The following FAM186A variants were observed in gnomAD, a reference collection of about 807,000 sequenced individuals.
FAM186A encodes the protein family with sequence similarity 186 member A.
FAM186A carries 163 observed loss-of-function variants against 216.8 expected under a neutral mutation model. That is an observed-to-expected ratio of 0.75 (90% CI 0.66 to 0.86). FAM186A has a LOEUF of 0.86. Among genes scored for constraint, FAM186A ranks in the 40% least tolerant of loss-of-function variants. FAM186A has a pLI of 0.00. For synonymous variants in FAM186A, 805 were observed against 1,025.3 expected (o/e 0.79, Z 4.10); for missense variants, 2,184 against 2,746.2 (o/e 0.80, Z 4.58).
chr12:50,366,409 C>T (rs981397814), intron 1 of FAM186A, among the ~76,000 whole-genome samples: 3 of 152,026 alleles, frequency 2.0e-5, no homozygotes, highest in East Asian at 1.9e-4. Flanking sequence ...CAACGTATAT[C>T]GAAGCCAGAC....
intron 5 of FAM186A, 143 bp from the exon 6 acceptor site, chr12:50,331,964 C>G (rs1445196444): frequency 6.0e-6 from 4 of 662,298 alleles, no homozygotes; most frequent in Non-Finnish European, 7.3e-6. Context: ...CACCCACCTC[C>G]AACATGCATC....
chr12:50,351,371 A>G lies in FAM186A; in HGVS notation c.5461T>C (p.Ser1821Pro). 6.8e-7 allele frequency: 1 copy of G among 1,476,054 alleles called. No individual in the cohort carries two copies. The highest frequency in any genetic ancestry group is 9.0e-7 in the Non-Finnish European group (1 of 1,115,322). 91.4% of individuals were successfully genotyped at this position (1,476,054 alleles called of 1,614,324 possible). Reference sequence around the variant, plus strand: ...CGAGATATTGGGAGCTGCCCAGGGGAGGGAGGGGCCTGTGGTGCCGGGAAC... The same window carrying G: ...CGAGATATTGGGAGCTGCCCAGGGGGGGGAGGGGCCTGTGGTGCCGGGAAC... ...AQFPAPQAPP[S>P]PGQLPISRAP... The change falls in exon 4 of 8, where the codon TCC becomes CCC. Residue 1821 changes from serine (S) to proline (P), a missense_variant. Transcript: ENST00000327337.
intron 7 of FAM186A, among the ~76,000 whole-genome samples, 155 bp from the exon 8 acceptor site, chr12:50,327,559 T>G (rs1241618163): frequency 6.6e-6 from 1 of 150,400 alleles, no homozygotes; most frequent in Admixed American, 6.7e-5. Context: ...TTTTTTTTTT[T>G]GAGACAGGGT....
intron 4 of FAM186A, among the ~76,000 whole-genome samples, chr12:50,335,892 G>A (rs1181002321): frequency 2.0e-5 from 3 of 152,006 alleles, no homozygotes; most frequent in African/African-American, 4.8e-5. Flanking sequence ...TTGGGAGGCC[G>A]AGGTGGGCAG....
intron 4 of FAM186A, 45 bp downstream of exon 4, chr12:50,350,284 A>C: frequency 7.0e-7 from 1 of 1,432,276 alleles, no homozygotes; most frequent in Non-Finnish European, 9.3e-7. Flanking sequence ...AAATATTTGC[A>C]ATCAGAACTA....
chr12:50,375,576 G>A (rs1227798186), intron 1 of FAM186A, among the ~76,000 whole-genome samples: 1 of 150,844 alleles, frequency 6.6e-6, no homozygotes, highest in Admixed American at 6.6e-5. Flanking sequence ...AAGTAGCCAG[G>A]TATGGTGGTG....
At chr12:50,387,334 A>G (rs1943313565) in intron 1 of FAM186A, among the ~76,000 whole-genome samples, 1 of 152,194 alleles carries the variant, frequency 6.6e-6, no homozygotes, top group African/African-American at 2.4e-5. Flanking sequence ...GGTATTGTGG[A>G]AGGGGAATGG....
At chr12:50,340,611 G>A (rs1012358737) in intron 4 of FAM186A, among the ~76,000 whole-genome samples, 1 of 151,326 alleles carries the variant, frequency 6.6e-6, no homozygotes, top group Non-Finnish European at 1.5e-5. Flanking sequence ...GGAGTTTGGC[G>A]TTATGGTGAG....
chr12:50,372,910 A>C (rs1400359463), intron 1 of FAM186A, among the ~76,000 whole-genome samples: 1 of 148,536 alleles, frequency 6.7e-6, no homozygotes, highest in African/African-American at 2.5e-5. Context: ...TCTAAAAAAA[A>C]AAAAAAAGAA....
chr12:50,336,400 A>G (rs897529929), intron 4 of FAM186A, among the ~76,000 whole-genome samples: 1 of 152,122 alleles, frequency 6.6e-6, no homozygotes, highest in African/African-American at 2.4e-5. Flanking sequence ...TTTCTTCCAC[A>G]ATGCCAATAT....
chr12:50,375,728 GA>G (rs1943191795), intron 1 of FAM186A, among the ~76,000 whole-genome samples: 1 of 136,370 alleles, frequency 7.3e-6, no homozygotes, highest in Non-Finnish European at 1.6e-5. Context: ...AAAAAAAAAA[GA>G]AAAAGAAAAA....
chr12:50,393,326 T>C (rs1943381164), intron 1 of FAM186A, among the ~76,000 whole-genome samples: 1 of 151,602 alleles, frequency 6.6e-6, no homozygotes, highest in Non-Finnish European at 1.5e-5. Flanking sequence ...TCACCTGAGG[T>C]CAGGAGTTCA....
In FAM186A at chr12:50,355,724, T is replaced by G; in HGVS notation, c.1108A>C (p.Thr370Pro). The G allele has an allele frequency of 6.4e-7, 1 of 1,551,658 alleles. No individual in the cohort carries two copies. The highest frequency in any genetic ancestry group is 8.7e-7 in the Non-Finnish European group (1 of 1,146,970). Reference sequence around the variant, plus strand: ...AAAATATTGTCCATATTGTCCTCAGTATCACCAACTTTGATTATCGCCCTG... The same window carrying G: ...AAAATATTGTCCATATTGTCCTCAGGATCACCAACTTTGATTATCGCCCTG... Reference protein sequence around the residue: ...SSRAIIKVGDTEDNMDNILDK... With the variant: ...SSRAIIKVGDPEDNMDNILDK... Residue 370 changes from threonine (T) to proline (P), a missense_variant, in exon 4 of 8, where the codon ACT (threonine) becomes CCT (proline). Around this residue, in one of 7 missense-constraint regions of FAM186A, gnomAD observed 1,132 missense variants for 1,263.4 expected, o/e 0.90. Coordinates refer to ENST00000327337, the MANE Select transcript of FAM186A (RefSeq NM_001145475.3).
chr12:50,367,191 C>A (rs534392842), intron 1 of FAM186A, among the ~76,000 whole-genome samples: 88 of 151,998 alleles, frequency 5.8e-4, no homozygotes, highest in Non-Finnish European at 1.1e-3. Context: ...ATCTATCTAA[C>A]CTGGTATTGG....
intron 1 of FAM186A, among the ~76,000 whole-genome samples, chr12:50,367,670 C>T (rs1055511529): frequency 4.5e-5 from 6 of 133,892 alleles, no homozygotes; most frequent in African/African-American, 1.7e-4. Context: ...TAAGGATTAC[C>T]CTCTGTGTGC....
intron 2 of FAM186A, among the ~76,000 whole-genome samples, chr12:50,361,597 G>T (rs1447959359): frequency 7.1e-6 from 1 of 140,984 alleles, no homozygotes; most frequent in Non-Finnish European, 1.5e-5. Flanking sequence ...TTAAGAACGA[G>T]TCTGGCTCTG....
At chr12:50,357,087 T>G (rs1942985742) in intron 3 of FAM186A, among the ~76,000 whole-genome samples, 1 of 152,322 alleles carries the variant, frequency 6.6e-6, no homozygotes, top group African/African-American at 2.4e-5. Context: ...AGACAAAACT[T>G]TTCTCTGGTT....
intron 1 of FAM186A, among the ~76,000 whole-genome samples, chr12:50,364,370 C>T (rs911350960): frequency 4.0e-5 from 6 of 151,390 alleles, no homozygotes; most frequent in East Asian, 2.0e-4. Flanking sequence ...CTGGCCAACA[C>T]GGTGAAACCC....
At chr12:50,363,609 T>C (rs1449733640) in intron 1 of FAM186A, among the ~76,000 whole-genome samples, 1 of 152,142 alleles carries the variant, frequency 6.6e-6, no homozygotes, top group East Asian at 1.9e-4. Context: ...TATCTGGATC[T>C]TAACTCTAGG....
Sources: gnomAD v4.1 joint callset for allele counts (sites outside exome capture counted in the v4.1 genomes callset) on GRCh38, gnomAD v4.1.1 for gene constraint, gnomAD v4.1.1 regional missense constraint, MANE v1.5 for transcripts, NCBI Gene and HGNC (gene_info 2026-07-23, HGNC 2026-07-21) for gene names.